Variants in SERPINB11 observed in about 807,000 individuals in gnomAD.
The protein encoded by SERPINB11 is serpin family B member 11.
Under a neutral mutation model 36.7 loss-of-function variants are expected in SERPINB11, and 32 were observed. That is an observed-to-expected ratio of 0.87 (90% CI 0.66 to 1.17). The LOEUF (loss-of-function observed/expected upper bound fraction) is 1.17. Ranked by LOEUF, SERPINB11 falls within the 50% of genes most tolerant of loss-of-function variation. SERPINB11 has a pLI of 0.00. For missense variants in SERPINB11, 528 were observed against 458.4 expected, an observed-to-expected ratio of 1.15 and a Z score of -1.39; for synonymous variants, 174 against 168.1, an observed-to-expected ratio of 1.04 and a Z score of -0.27.
At chr18:63,718,882 C>CACAGTGTTACAGCACTGT (rs1914734487) in intron 5 of SERPINB11, among the ~76,000 whole-genome samples, 1 of 151,646 alleles carries the variant, frequency 6.6e-6, no homozygotes, top group Admixed American at 6.6e-5. Flanking sequence ...TGTTAATTTA[C>CACAGTGTTACAGCACTGT]TTAGCACAGT....
intron 2 of SERPINB11, among the ~76,000 whole-genome samples, chr18:63,710,963 T>C (rs1914507659): frequency 6.6e-6 from 1 of 152,220 alleles, no homozygotes; most frequent in Non-Finnish European, 1.5e-5. Context: ...TGGGAAACCA[T>C]GTAAGGTCTT....
At chr18:63,715,992 A>T in intron 4 of SERPINB11, 43 bp from the exon 5 acceptor site, 1 of 1,355,274 alleles carries the variant, frequency 7.4e-7, no homozygotes, top group Non-Finnish European at 1.0e-6. Context: ...TGTTTTCCTT[A>T]CACTGCTTTT....
intron 5 of SERPINB11, among the ~76,000 whole-genome samples, chr18:63,716,460 G>A (rs891921655): frequency 2.0e-5 from 3 of 152,006 alleles, no homozygotes; most frequent in Admixed American, 6.6e-5. Context: ...TTTCTTAAAT[G>A]TTTCTTAGAA....
At chr18:63,706,944 G>A (rs1914387227) in intron 1 of SERPINB11, among the ~76,000 whole-genome samples, 1 of 152,196 alleles carries the variant, frequency 6.6e-6, no homozygotes, top group Non-Finnish European at 1.5e-5. Flanking sequence ...TAACCCAAGT[G>A]TTAGAGGAAG....
chr18:63,716,382 C>A (rs1914668659), intron 5 of SERPINB11, among the ~76,000 whole-genome samples: 1 of 152,130 alleles, frequency 6.6e-6, no homozygotes, highest in African/African-American at 2.4e-5. Context: ...GTGGCACATT[C>A]TGCAATTAAA....
rs1435881799 is a variant in SERPINB11, at chr18:63,723,585, T to C, written c.*186T>C. On this transcript the variant is annotated 3_prime_UTR_variant, in exon 8 of 8. Coordinates refer to ENST00000544088, the MANE Select transcript of SERPINB11 (RefSeq NM_001370475.1). ...TGTGAAGCTAAGGCTTTGTTAATCA[T>C]GGAAAAAGGTAGATTTATGCAGAAA... 4 of 537,092 alleles carry C rather than the reference T, an allele frequency of 7.4e-6. No individual in the cohort carries two copies. Among genetic ancestry groups the C allele is most frequent in the Non-Finnish European group, 1.3e-5 (4 of 315,228 alleles). The allele number at this position is 537,092 out of a possible 1,614,324, so 33.3% of individuals were successfully genotyped here. A position where few individuals can be genotyped will look rare whatever the true frequency, so the allele number is the denominator to read the frequency against.
chr18:63,717,848 T>A (rs962489961), intron 5 of SERPINB11, among the ~76,000 whole-genome samples: 1 of 152,058 alleles, frequency 6.6e-6, no homozygotes, highest in Non-Finnish European at 1.5e-5. Flanking sequence ...AAATTTATGA[T>A]CTTTTCCTTT....
At chr18:63,717,586 G>A (rs1020622647) in intron 5 of SERPINB11, among the ~76,000 whole-genome samples, 2 of 151,928 alleles carry the variant, frequency 1.3e-5, no homozygotes, top group Non-Finnish European at 2.9e-5. Context: ...ATTTTAATTT[G>A]CATTTCCTTC....
intron 1 of SERPINB11, among the ~76,000 whole-genome samples, chr18:63,704,229 T>C (rs1444428832): frequency 2.6e-5 from 4 of 152,202 alleles, no homozygotes; most frequent in Admixed American, 2.0e-4. Context: ...TCTCTGCCCT[T>C]ACAGAATGTT....
intron 5 of SERPINB11, 24 bp from the exon 6 acceptor site, chr18:63,719,989 T>A: frequency 6.4e-7 from 1 of 1,571,722 alleles, no homozygotes. Flanking sequence ...AATCCAAATA[T>A]AATTATCTTA....
At chr18:63,720,410 T>C (rs903794011) in intron 6 of SERPINB11, 6 of 463,386 alleles carry the variant, frequency 1.3e-5, no homozygotes, top group Non-Finnish European at 2.3e-5. Context: ...CTTAATGCTC[T>C]CTTGGCTTAT....
At chr18:63,715,974 T>C (rs1214399900) in intron 4 of SERPINB11, 61 bp from the exon 5 acceptor site, 18 of 1,030,916 alleles carry the variant, frequency 1.7e-5, no homozygotes, top group Non-Finnish European at 2.5e-5. Flanking sequence ...CATTGAGCTG[T>C]AGATTTTTGT....
chr18:63,710,467 G>A, intron 2 of SERPINB11, 106 bp downstream of exon 2: 1 of 871,968 alleles, frequency 1.1e-6, no homozygotes, highest in Non-Finnish European at 1.7e-6. Context: ...TTGCCATCTT[G>A]AGAGAGAAAA....
chr18:63,712,794 A>G, intron 4 of SERPINB11, 101 bp downstream of exon 4: 4 of 1,261,990 alleles, frequency 3.2e-6, no homozygotes, highest in Non-Finnish European at 4.5e-6. Flanking sequence ...GACATTTATC[A>G]TTAAGAGATT....
intron 5 of SERPINB11, among the ~76,000 whole-genome samples, chr18:63,719,410 T>C (rs879681341): frequency 5.3e-5 from 8 of 152,074 alleles, no homozygotes; most frequent in Non-Finnish European, 7.4e-5. Context: ...TATAACAGAT[T>C]CCATTCCAAA....
chr18:63,720,481 T>G lies in SERPINB11; in HGVS notation c.618+326T>G, dbSNP rs542059301. The stretch of plus-strand genomic sequence containing the variant: ...GCACACTAAGGCTATCTGTGTTATT[T>G]TTTTTTCTAGAGAGTTTCTTGAGGA... On this transcript the variant is annotated intron_variant, in intron 6 of 7. Coordinates refer to ENST00000544088, the MANE Select transcript of SERPINB11 (RefSeq NM_001370475.1). 4.2e-5 allele frequency: 14 copies of G among 329,508 alleles called. No individual in the cohort carries two copies. The East Asian group carries it at 9.8e-4, about 23-fold the overall frequency. The allele number at this position is 329,508 out of a possible 1,614,324, so 20.4% of individuals were successfully genotyped here.
rs954508320 is a variant in SERPINB11 at position 63,711,527 on chromosome 18, C to A, written c.228+133C>A. ...CAGCTATGTGTCCCCCTTTAACCTTCCTGATGATAACTACAGCCTGTAGAG... is the reference window on the plus strand; with the variant it reads ...CAGCTATGTGTCCCCCTTTAACCTTACTGATGATAACTACAGCCTGTAGAG... On this transcript the variant is annotated intron_variant, in intron 3 of 7. Coordinates refer to ENST00000544088, the MANE Select transcript of SERPINB11 (RefSeq NM_001370475.1). The A allele has an allele frequency of 5.8e-5, 38 of 660,808 alleles. No individual in the cohort carries two copies. The East Asian group carries it at 9.2e-4, about 16-fold the overall frequency. 40.9% of individuals were successfully genotyped at this position (660,808 alleles called of 1,614,324 possible).
rs758217517 is a variant in SERPINB11, at chr18:63,712,573, A to G, written c.237A>G (p.Gln79=). 6.2e-7 allele frequency: 1 copy of G among 1,613,806 alleles called. No individual in the cohort carries two copies. Among genetic ancestry groups the G allele is most frequent in the Non-Finnish European group, 8.5e-7 (1 of 1,179,712 alleles). Reference sequence around the variant, plus strand: ...GTTTACTGATGCTTCAGTGCAGCCAAGCTGGAAGAATTCATTCCGAGTTTG... The same window carrying G: ...GTTTACTGATGCTTCAGTGCAGCCAGGCTGGAAGAATTCATTCCGAGTTTG... ...PGFKDSPKCS[Q]AGRIHSEFGV... The change falls in exon 4 of 8, where the codon CAA becomes CAG. Residue 79 remains glutamine, a synonymous_variant. Coordinates refer to ENST00000544088, the MANE Select transcript of SERPINB11 (RefSeq NM_001370475.1).
chr18:63,709,709 C>A (rs1914467558), intron 1 of SERPINB11, among the ~76,000 whole-genome samples: 1 of 152,018 alleles, frequency 6.6e-6, no homozygotes, highest in South Asian at 2.1e-4. Context: ...CTTGTTTGTG[C>A]AAAAATGACT....
Sources: allele counts gnomAD v4.1 joint callset (sites outside exome capture counted in the v4.1 genomes callset), GRCh38; gene constraint gnomAD v4.1.1; transcripts MANE v1.5; gene names NCBI Gene and HGNC (gene_info 2026-07-23, HGNC 2026-07-21).